ELP2: variants seen among roughly 807,000 people sequenced by gnomAD.
ELP2 encodes the protein elongator complex protein 2.
Under a neutral mutation model 119.2 loss-of-function variants are expected in ELP2, and 90 were observed. The observed-to-expected ratio is 0.75, with a 90% CI of 0.64 to 0.90. The LOEUF (loss-of-function observed/expected upper bound fraction) is 0.90, where lower values mean the gene tolerates loss of function less well. ELP2 is among the 40% of genes least tolerant of loss of function. The pLI is 0.00. For synonymous variants in ELP2, 339 were observed against 331.0 expected (o/e 1.02, Z -0.26); for missense variants, 921 against 967.8 (o/e 0.95, Z 0.64).
rs1350266891 is a variant in ELP2, at chr18:36,178,627, TTTG to T, written c.*3989_*3991del. 6.6e-6 allele frequency: 1 copy of T among 151,954 alleles called. No homozygotes were observed. The highest frequency in any genetic ancestry group is 1.5e-5 in the Non-Finnish European group (1 of 67,992). The allele number at this position is 151,954 out of a possible 1,614,324, so 9.4% of individuals were successfully genotyped here. A position where few individuals can be genotyped will look rare whatever the true frequency, so the allele number is the denominator to read the frequency against. On this transcript the variant is annotated 3_prime_UTR_variant, in exon 22 of 22. Transcript: ENST00000358232. ...CAGTGGGGCTATGGTTATGATTGGT[TTTG>T]TTTTTTTTTTCTCTAGAGACTGGGT...
chr18:36,165,417 C>T (rs1161943726), intron 18 of ELP2, among the ~76,000 whole-genome samples: 1 of 152,060 alleles, frequency 6.6e-6, no homozygotes, highest in Non-Finnish European at 1.5e-5. Context: ...TAAATTTTTC[C>T]ATTGATAAGA....
rs918221444 is a variant in ELP2, at chr18:36,179,816, C to A, written c.*5175C>A. The A allele has an allele frequency of 6.6e-6, 1 of 152,158 alleles. No individual in the cohort carries two copies. Among genetic ancestry groups the A allele is most frequent in the Non-Finnish European group, 1.5e-5 (1 of 68,054 alleles). 9.4% of individuals were successfully genotyped at this position (152,158 alleles called of 1,614,324 possible). A position where few individuals can be genotyped will look rare whatever the true frequency, so the allele number is the denominator to read the frequency against. ...TCTTATCTTTTCTCCTGACCAAGTT[C>A]TAGGTATTTCATAGGGCAGTCTAGG... On this transcript the variant is annotated 3_prime_UTR_variant, in exon 22 of 22. Coordinates refer to ENST00000358232, the MANE Select transcript of ELP2 (RefSeq NM_018255.4).
Position 36,170,045 on chromosome 18 carries a change from G to A in ELP2, c.2077-18G>A. 2.5e-6 allele frequency: 4 copies of A among 1,614,184 alleles called. No individual in the cohort carries two copies. Among genetic ancestry groups the A allele is most frequent in the Non-Finnish European group, 3.4e-6 (4 of 1,180,028 alleles). Reference sequence around the variant, plus strand: ...TTGCAAAGAGAAGGCTTTACAGTGTGTGATCTGTCTGTATTAGGTGGTTGT... The same window carrying A: ...TTGCAAAGAGAAGGCTTTACAGTGTATGATCTGTCTGTATTAGGTGGTTGT... On this transcript the variant is annotated intron_variant, in intron 19 of 21. Transcript: ENST00000358232.
intron 4 of ELP2, 165 bp from the exon 5 acceptor site, chr18:36,138,630 T>A: frequency 1.2e-6 from 1 of 866,696 alleles, no homozygotes; most frequent in Non-Finnish European, 1.8e-6. Flanking sequence ...GTCTGTAACA[T>A]CATTAAAATT....
chr18:36,130,556 G>A (rs762669313), intron 1 of ELP2, among the ~76,000 whole-genome samples: 1 of 152,180 alleles, frequency 6.6e-6, no homozygotes, highest in Non-Finnish European at 1.5e-5. Flanking sequence ...ACATTTTAGA[G>A]AAAGTGTCAG....
chr18:36,151,907 C>T (rs797019999), intron 11 of ELP2, among the ~76,000 whole-genome samples: 5 of 151,834 alleles, frequency 3.3e-5, no homozygotes, highest in African/African-American at 1.2e-4. Context: ...ACCACCATGC[C>T]CGGCTAATTT....
rs181577792 is a variant in ELP2, at chr18:36,144,800, A to G, written c.797-139A>G. ...TTGAGGTTGAAGAAATTTAGAATGC[A>G]TGTTCTTTTTTTGAATCCCAACTAT... On this transcript the variant is annotated intron_variant, in intron 8 of 21. Transcript: ENST00000358232. 589 of 663,848 alleles carry G rather than the reference A, an allele frequency of 8.9e-4. 3 individuals carry two copies. The highest frequency in any genetic ancestry group is 7.2e-4 in the Non-Finnish European group (272 of 378,128). The allele number at this position is 663,848 out of a possible 1,614,324, so 41.1% of individuals were successfully genotyped here.
intron 1 of ELP2, 56 bp downstream of exon 1, chr18:36,130,127 C>T (rs1346276622): frequency 1.2e-6 from 2 of 1,610,450 alleles, no homozygotes; most frequent in Admixed American, 1.7e-5. Context: ...AACCTGTGGA[C>T]GTGCTCCGGG....
intron 21 of ELP2, among the ~76,000 whole-genome samples, chr18:36,173,389 G>T (rs1243296955): frequency 1.3e-5 from 2 of 152,140 alleles, no homozygotes; most frequent in Non-Finnish European, 2.9e-5. Context: ...TTTAAAGCTT[G>T]CCATTTATAT....
At chr18:36,159,650 T>G in intron 14 of ELP2, 85 bp from the exon 15 acceptor site, 1 of 998,354 alleles carries the variant, frequency 1.0e-6, no homozygotes, top group East Asian at 2.4e-5. Flanking sequence ...TTACCACTGC[T>G]TTCTATGTGG....
chr18:36,143,318 C>T (rs1186811379), intron 8 of ELP2, among the ~76,000 whole-genome samples: 1 of 151,762 alleles, frequency 6.6e-6, no homozygotes, highest in African/African-American at 2.4e-5. Context: ...AATGGGGTTT[C>T]ACCATGTTAG....
At position 36,143,022 on chromosome 18, in the gene ELP2, A is replaced by AT. The variant is rs529291171; in HGVS notation, c.796+65dup. Reference sequence around the variant, plus strand: ...GATACTTAGGTCTCCTAGTTGGTTGATTTTTTTTTCACCACCCACCTATGT... The same window carrying AT: ...GATACTTAGGTCTCCTAGTTGGTTGATTTTTTTTTTCACCACCCACCTATGT... On this transcript the variant is annotated intron_variant, in intron 8 of 21. Coordinates refer to ENST00000358232, the MANE Select transcript of ELP2 (RefSeq NM_018255.4). 726 of 1,328,208 alleles carry AT rather than the reference A, an allele frequency of 5.5e-4. 1 individual carries two copies. The highest frequency in any genetic ancestry group is 3.1e-3 in the East Asian group (126 of 41,022). 82.3% of individuals were successfully genotyped at this position (1,328,208 alleles called of 1,614,324 possible). A position where few individuals can be genotyped will look rare whatever the true frequency, so the allele number is the denominator to read the frequency against.
chr18:36,130,103 T>C (rs370159364), intron 1 of ELP2, 32 bp downstream of exon 1: 11 of 1,613,530 alleles, frequency 6.8e-6, no homozygotes, highest in African/African-American at 1.3e-5. Context: ...CCGACCCTTG[T>C]GCTTTTCGGG....
chr18:36,164,751 A>G lies in ELP2; in HGVS notation c.1954+84A>G, dbSNP rs142480693. ...CATTAAGCAGCTTTAGTTAAGAGAA[A>G]GATAACAGAGTGAAGGGTAGAGCCT... On this transcript the variant is annotated intron_variant, in intron 18 of 21. Coordinates refer to ENST00000358232, the MANE Select transcript of ELP2 (RefSeq NM_018255.4). 3.1e-4 allele frequency: 411 copies of G among 1,330,128 alleles called. No homozygotes were observed. The African/African-American group carries it at 4.2e-3, about 14-fold the overall frequency. 82.4% of individuals were successfully genotyped at this position (1,330,128 alleles called of 1,614,324 possible).
rs1438274324 is a variant in ELP2 at position 36,174,639 on chromosome 18, T to C, written c.2479T>C (p.Ter827GlnextTer3). ...ACACAGAGTCAATAAATGTGCACTG[T>C]AATGGACTTAATAACTACATGCTTG... ...KIHRVNKCAL* is the reference protein window; with the variant it reads ...KIHRVNKCALQ Residue 827 changes from the stop codon to glutamine, a stop_lost, in exon 22 of 22, where the codon TAA (stop) becomes CAA (glutamine). Coordinates refer to ENST00000358232, the MANE Select transcript of ELP2 (RefSeq NM_018255.4). The C allele has an allele frequency of 6.2e-7, 1 of 1,613,742 alleles. No homozygotes were observed. Among genetic ancestry groups the C allele is most frequent in the Non-Finnish European group, 8.5e-7 (1 of 1,179,842 alleles).
intron 21 of ELP2, among the ~76,000 whole-genome samples, chr18:36,171,723 T>TTG (rs1008895560): frequency 5.5e-4 from 84 of 152,202 alleles, no homozygotes; most frequent in African/African-American, 2.0e-3. Context: ...TTTATTCTTT[T>TTG]TGTGTGTGTG....
Position 36,136,292 on chromosome 18 carries a change from T to C in ELP2, c.218-15T>C. Reference sequence around the variant, plus strand: ...AAATGAATAAAGATATTTACTGAGATATAATTTTTTTCAGCCCCTTCTACT... The same window carrying C: ...AAATGAATAAAGATATTTACTGAGACATAATTTTTTTCAGCCCCTTCTACT... On this transcript the variant is annotated splice_polypyrimidine_tract_variant and intron_variant, in intron 2 of 21. Coordinates refer to ENST00000358232, the MANE Select transcript of ELP2 (RefSeq NM_018255.4). 2 of 1,585,124 alleles carry C rather than the reference T, an allele frequency of 1.3e-6. No individual in the cohort carries two copies. Among genetic ancestry groups the C allele is most frequent in the African/African-American group, 2.7e-5 (2 of 74,480 alleles).
chr18:36,175,361 C>T lies in ELP2; in HGVS notation c.*720C>T, dbSNP rs1233950990. On this transcript the variant is annotated 3_prime_UTR_variant, in exon 22 of 22. Coordinates refer to ENST00000358232, the MANE Select transcript of ELP2 (RefSeq NM_018255.4). ...CATTTTCTATAGATAGCATACCACG[C>T]CAAGTGTGCTCTGTCTTGATCCCCT... 1.3e-5 allele frequency: 2 copies of T among 152,222 alleles called. No homozygotes were observed. Among genetic ancestry groups the T allele is most frequent in the Non-Finnish European group, 2.9e-5 (2 of 68,044 alleles). 9.4% of individuals were successfully genotyped at this position (152,222 alleles called of 1,614,324 possible).
intron 21 of ELP2, among the ~76,000 whole-genome samples, chr18:36,172,616 G>A (rs539872246): frequency 5.4e-4 from 82 of 152,356 alleles, no homozygotes; most frequent in African/African-American, 2.0e-3. Context: ...GAGGGAAGAA[G>A]TCTGTTGAAA....
Sources: gnomAD v4.1 joint callset for allele counts (sites outside exome capture counted in the v4.1 genomes callset) on GRCh38, gnomAD v4.1.1 for gene constraint, MANE v1.5 for transcripts, NCBI Gene and HGNC (gene_info 2026-07-23, HGNC 2026-07-21) for gene names.